Variants in TTLL5 observed in about 807,000 individuals in gnomAD.
TTLL5 encodes tubulin polyglutamylase TTLL5.
Under a neutral mutation model 168.4 loss-of-function variants are expected in TTLL5, and 132 were observed. The ratio of observed to expected loss-of-function variants is 0.78; its 90% CI spans 0.68 to 0.91. The LOEUF (loss-of-function observed/expected upper bound fraction) is 0.91, where lower values mean the gene tolerates loss of function less well. Ranked by LOEUF, TTLL5 falls within the 40% of genes least tolerant of loss-of-function variation. The probability of loss-of-function intolerance (pLI) is 0.00; values close to 1 mark genes in which losing one functional copy is unlikely to be tolerated. For missense variants in TTLL5, 1,545 were observed against 1,581.5 expected (o/e 0.98, Z 0.39); for synonymous variants, 546 against 558.6 (o/e 0.98, Z 0.32).
chr14:75,882,369 A>G (rs966649319), intron 29 of TTLL5, among the ~76,000 whole-genome samples: 1 of 152,184 alleles, frequency 6.6e-6, no homozygotes, highest in East Asian at 1.9e-4. Flanking sequence ...GTTGAATTTA[A>G]CAATGATGGA....
At chr14:75,825,147 G>A (rs1055489179) in intron 28 of TTLL5, among the ~76,000 whole-genome samples, 2 of 152,110 alleles carry the variant, frequency 1.3e-5, no homozygotes, top group African/African-American at 4.8e-5. Flanking sequence ...TGGCCAGCAT[G>A]GTTTTTACTT....
At chr14:75,798,929 G>A (rs1025690415) in intron 27 of TTLL5, among the ~76,000 whole-genome samples, 4 of 152,120 alleles carry the variant, frequency 2.6e-5, no homozygotes, top group African/African-American at 4.8e-5. Flanking sequence ...TGAATAGAAT[G>A]TGTATTCTGC....
intron 28 of TTLL5, among the ~76,000 whole-genome samples, chr14:75,842,378 G>A (rs927569696): frequency 1.3e-5 from 2 of 152,154 alleles, no homozygotes; most frequent in African/African-American, 2.4e-5. Flanking sequence ...TTTGTTTGGG[G>A]CAGGAGTACA....
At chr14:75,901,919 G>C (rs1360177239) in intron 30 of TTLL5, among the ~76,000 whole-genome samples, 1 of 152,194 alleles carries the variant, frequency 6.6e-6, no homozygotes, top group African/African-American at 2.4e-5. Flanking sequence ...TTTCAGTAGG[G>C]AGAAATTAAC....
At chr14:75,694,993 GA>G (rs1463333578) in intron 6 of TTLL5, among the ~76,000 whole-genome samples, 2 of 152,108 alleles carry the variant, frequency 1.3e-5, no homozygotes, top group African/African-American at 4.8e-5. Flanking sequence ...TGGGCACCTT[GA>G]AAAAAGAACA....
intron 15 of TTLL5, among the ~76,000 whole-genome samples, chr14:75,738,525 TA>T (rs951827627): frequency 6.6e-6 from 1 of 152,184 alleles, no homozygotes; most frequent in African/African-American, 2.4e-5. Context: ...TAATATTTAG[TA>T]ACTGATTAAT....
At chr14:75,723,563 T>G (rs560362690) in intron 12 of TTLL5, among the ~76,000 whole-genome samples, 1 of 152,346 alleles carries the variant, frequency 6.6e-6, no homozygotes, top group Admixed American at 6.5e-5. Flanking sequence ...TGTAAAAATC[T>G]TTGTTCTAAA....
chr14:75,771,195 G>A (rs1891287862), intron 20 of TTLL5, among the ~76,000 whole-genome samples: 3 of 152,228 alleles, frequency 2.0e-5, no homozygotes, highest in Admixed American at 2.0e-4. Context: ...GGGAGGCCAA[G>A]GCAGGCGGAT....
intron 3 of TTLL5, among the ~76,000 whole-genome samples, chr14:75,676,977 G>A (rs1234777543): frequency 1.3e-5 from 2 of 151,892 alleles, no homozygotes; most frequent in Admixed American, 1.3e-4. Flanking sequence ...CTCCTATGTT[G>A]CTCAGGCTGG....
intron 28 of TTLL5, among the ~76,000 whole-genome samples, chr14:75,821,083 G>C (rs1300673709): frequency 6.6e-6 from 1 of 152,144 alleles, no homozygotes; most frequent in Non-Finnish European, 1.5e-5. Context: ...TGAAGACTTG[G>C]ACATGGAGGA....
chr14:75,802,104 T>A (rs1328821500), intron 27 of TTLL5, among the ~76,000 whole-genome samples: 1 of 152,192 alleles, frequency 6.6e-6, no homozygotes, highest in Non-Finnish European at 1.5e-5. Flanking sequence ...TTAATTAATA[T>A]TTTCTCCCCT....
chr14:75,871,241 T>A (rs1462494213), intron 29 of TTLL5, among the ~76,000 whole-genome samples: 2 of 152,226 alleles, frequency 1.3e-5, no homozygotes, highest in African/African-American at 4.8e-5. Context: ...CCTAGGGGAA[T>A]ATTCTTCTGG....
chr14:75,676,972 A>T (rs1012231250), intron 3 of TTLL5, among the ~76,000 whole-genome samples: 1 of 151,790 alleles, frequency 6.6e-6, no homozygotes, highest in Non-Finnish European at 1.5e-5. Flanking sequence ...AGGGTCTCCT[A>T]TGTTGCTCAG....
At chr14:75,795,467 T>G (rs894182239) in intron 27 of TTLL5, among the ~76,000 whole-genome samples, 2 of 152,126 alleles carry the variant, frequency 1.3e-5, no homozygotes, top group African/African-American at 2.4e-5. Context: ...ACAGGTGGTG[T>G]TTGGTTACAT....
At chr14:75,932,619 T>C (rs1331348020) in intron 31 of TTLL5, among the ~76,000 whole-genome samples, 1 of 152,228 alleles carries the variant, frequency 6.6e-6, no homozygotes, top group Non-Finnish European at 1.5e-5. Context: ...TGAACTGCTG[T>C]GGTAGAAAAA....
intron 12 of TTLL5, among the ~76,000 whole-genome samples, chr14:75,724,907 G>C (rs200764002): frequency 6.6e-6 from 1 of 152,168 alleles, no homozygotes; most frequent in Non-Finnish European, 1.5e-5. Flanking sequence ...ATCAGTTGAA[G>C]AAAAACAGCC....
At chr14:75,841,601 G>A (rs1428041976) in intron 28 of TTLL5, among the ~76,000 whole-genome samples, 3 of 152,162 alleles carry the variant, frequency 2.0e-5, no homozygotes, top group Non-Finnish European at 4.4e-5. Context: ...ATGTTGTGAA[G>A]TTAAGAAAGG....
chr14:75,733,490 T>C (rs749649445), intron 13 of TTLL5, among the ~76,000 whole-genome samples: 9 of 152,096 alleles, frequency 5.9e-5, no homozygotes, highest in Non-Finnish European at 1.3e-4. Context: ...TTTGCAAGCC[T>C]GCAAGCCTAA....
intron 28 of TTLL5, among the ~76,000 whole-genome samples, chr14:75,847,183 A>G (rs1896594174): frequency 6.6e-6 from 1 of 151,934 alleles, no homozygotes. Context: ...TGTGTTTTTT[A>G]GTAGAGATGG....
Sources: gnomAD v4.1 joint callset for allele counts (sites outside exome capture counted in the v4.1 genomes callset) on GRCh38, gnomAD v4.1.1 for gene constraint, MANE v1.5 for transcripts, NCBI Gene and HGNC (gene_info 2026-07-23, HGNC 2026-07-21) for gene names.